CDK19: variants seen among roughly 807,000 people sequenced by gnomAD.
CDK19 encodes cyclin dependent kinase 19, also known as cyclin-dependent kinase 19.
A neutral mutation model predicts 68.3 loss-of-function variants in CDK19; 20 were observed. The observed-to-expected ratio is 0.29, with a 90% CI of 0.21 to 0.43. The LOEUF is 0.43. CDK19 is among the 20% of genes least tolerant of loss of function. The pLI is 1.00. For missense variants in CDK19, 339 were observed against 623.5 expected, an observed-to-expected ratio of 0.54 and a Z score of 4.86; for synonymous variants, 221 against 222.8, an observed-to-expected ratio of 0.99 and a Z score of 0.07.
intron 8 of CDK19, among the ~76,000 whole-genome samples, chr6:110,623,737 A>AAT (rs67254112): frequency 1.4e-4 from 21 of 146,792 alleles, no homozygotes; most frequent in Non-Finnish European, 2.5e-4. Flanking sequence ...AGTAATGGCC[A>AAT]ATATATATAT....
rs1170140844 is a variant in CDK19, at chr6:110,784,158, CAAAAAA to C, written c.128+30845_128+30850del. Reference sequence around the variant, plus strand: ...TGAGTGACAGAGCAAGACTTCGTCTCAAAAAAAAAAAAAAAAAAAGGAAAGGAGAAA... The same window carrying C: ...TGAGTGACAGAGCAAGACTTCGTCTCAAAAAAAAAAAAAGGAAAGGAGAAA... On this transcript the variant is annotated intron_variant, in intron 1 of 12. Coordinates refer to ENST00000368911, the MANE Select transcript of CDK19 (RefSeq NM_015076.5). Among the ~76,000 whole-genome samples the C allele has an allele frequency of 6.5e-5, 4 of 61,480 alleles. No homozygotes were observed. The East Asian group carries it at 1.1e-3, about 17-fold the overall frequency. The allele number at this position is 61,480 out of a possible 152,430, so 40.3% of individuals were successfully genotyped here. A position where few individuals can be genotyped will look rare whatever the true frequency, so the allele number is the denominator to read the frequency against.
chr6:110,638,976 T>C (rs1045851243), intron 4 of CDK19, among the ~76,000 whole-genome samples: 1 of 152,220 alleles, frequency 6.6e-6, no homozygotes, highest in African/African-American at 2.4e-5. Flanking sequence ...CATTTCTAAA[T>C]AGATTCATCC....
intron 1 of CDK19, among the ~76,000 whole-genome samples, chr6:110,792,156 A>T (rs1781641689): frequency 6.6e-6 from 1 of 151,848 alleles, no homozygotes; most frequent in Admixed American, 6.6e-5. Context: ...TGTTTAGTAG[A>T]GACAGGGTTT....
At chr6:110,750,540 C>T (rs1357384978) in intron 1 of CDK19, among the ~76,000 whole-genome samples, 1 of 152,102 alleles carries the variant, frequency 6.6e-6, no homozygotes, top group Non-Finnish European at 1.5e-5. Context: ...AAGGATGATG[C>T]CACTAAGAAC....
At chr6:110,773,715 A>C (rs1434654268) in intron 1 of CDK19, among the ~76,000 whole-genome samples, 3 of 152,144 alleles carry the variant, frequency 2.0e-5, no homozygotes. Context: ...ACTGAATACA[A>C]TTGTACGGGT....
In CDK19 at chr6:110,815,006, T is replaced by C. The variant is rs776507952; in HGVS notation, c.128+3A>G. 2.5e-6 allele frequency: 4 copies of C among 1,604,004 alleles called. No individual in the cohort carries two copies. The African/African-American group carries it at 5.5e-5, about 22-fold the overall frequency. ...AGCCTACTCCTCCCGCCCCTGCTCT[T>C]ACCCATCTTTCCGCCTCGCCTTGTA... On this transcript the variant is annotated splice_donor_region_variant and intron_variant, in intron 1 of 12. Coordinates refer to ENST00000368911, the MANE Select transcript of CDK19 (RefSeq NM_015076.5).
Position 110,642,942 on chromosome 6 carries a change from G to A in CDK19, c.457-4236C>T, listed in dbSNP as rs74295720. 0.021 allele frequency among the ~76,000 whole-genome samples: 3,258 copies of A among 152,256 alleles called. 364 individuals carry two copies. In the East Asian group the frequency reaches 0.35, roughly 17 times the overall value. On this transcript the variant is annotated intron_variant, in intron 4 of 12. Coordinates refer to ENST00000368911, the MANE Select transcript of CDK19 (RefSeq NM_015076.5). Reference sequence around the variant, plus strand: ...CCTTGAAGCATCCCAGATTGCACAAGAGATAACAAACTTTACCCTCACTCC... The same window carrying A: ...CCTTGAAGCATCCCAGATTGCACAAAAGATAACAAACTTTACCCTCACTCC...
chr6:110,795,794 T>C (rs78253480), intron 1 of CDK19, among the ~76,000 whole-genome samples: 1,900 of 152,178 alleles, frequency 0.012, 37 homozygotes, highest in African/African-American at 0.044. Context: ...CAGTAAAGCA[T>C]TGCATATTCA....
chr6:110,781,795 G>A (rs1361448741), intron 1 of CDK19, among the ~76,000 whole-genome samples: 9 of 148,236 alleles, frequency 6.1e-5, no homozygotes, highest in African/African-American at 2.2e-4. Context: ...GGTGAGCCAA[G>A]ATCATGTCAC....
intron 4 of CDK19, among the ~76,000 whole-genome samples, chr6:110,650,652 C>G (rs1780902861): frequency 6.6e-6 from 1 of 151,974 alleles, no homozygotes; most frequent in Admixed American, 6.6e-5. Context: ...CCTGAGTCAG[C>G]TGGGTGTCTA....
chr6:110,614,403 T>A lies in CDK19; in HGVS notation c.*132A>T. The A allele has an allele frequency of 1.4e-6, 1 of 739,714 alleles. No individual in the cohort carries two copies. The highest frequency in any genetic ancestry group is 2.2e-6 in the Non-Finnish European group (1 of 457,874). 45.8% of individuals were successfully genotyped at this position (739,714 alleles called of 1,614,324 possible). ...TATCAGTCCTGCACAATGCTCAGTA[T>A]ATAAGGTTTTCCTCCCATGTGTATG... On this transcript the variant is annotated 3_prime_UTR_variant, in exon 13 of 13. Transcript: ENST00000368911.
chr6:110,802,243 A>G (rs571556531), intron 1 of CDK19, among the ~76,000 whole-genome samples: 3 of 152,338 alleles, frequency 2.0e-5, no homozygotes, highest in Non-Finnish European at 2.9e-5. Flanking sequence ...TATATTTATC[A>G]TAACACTATT....
At chr6:110,691,115 A>G (rs1489981356) in intron 2 of CDK19, among the ~76,000 whole-genome samples, 2 of 152,144 alleles carry the variant, frequency 1.3e-5, no homozygotes, top group African/African-American at 4.8e-5. Context: ...GAAAACCAAC[A>G]TGAAGAAATT....
chr6:110,807,778 GCA>G (rs1165999663), intron 1 of CDK19, among the ~76,000 whole-genome samples: 15 of 151,402 alleles, frequency 9.9e-5, no homozygotes, highest in Admixed American at 8.6e-4. Context: ...ATATTTTTAC[GCA>G]CATATACTAT....
chr6:110,651,615 A>G (rs1480739799), intron 4 of CDK19, among the ~76,000 whole-genome samples: 5 of 152,144 alleles, frequency 3.3e-5, no homozygotes, highest in Admixed American at 6.5e-5. Context: ...TAGTATTTTA[A>G]TATTTTTACA....
At chr6:110,650,793 T>C (rs1377638425) in intron 4 of CDK19, among the ~76,000 whole-genome samples, 2 of 152,052 alleles carry the variant, frequency 1.3e-5, no homozygotes, top group Non-Finnish European at 2.9e-5. Context: ...ATAGTAATTA[T>C]AAAGAGAGGA....
chr6:110,623,240 G>T, intron 9 of CDK19, 50 bp downstream of exon 9: 3 of 1,447,652 alleles, frequency 2.1e-6, no homozygotes, highest in Non-Finnish European at 2.9e-6. Context: ...TAAATAGAAG[G>T]CGAGATTTGT....
chr6:110,757,991 A>G (rs1778946921), intron 1 of CDK19, among the ~76,000 whole-genome samples: 1 of 152,108 alleles, frequency 6.6e-6, no homozygotes, highest in Non-Finnish European at 1.5e-5. Flanking sequence ...AGGAGTTTTG[A>G]GACCAGCCTG....
intron 1 of CDK19, among the ~76,000 whole-genome samples, chr6:110,806,435 C>T (rs1457037013): frequency 6.6e-6 from 1 of 152,114 alleles, no homozygotes; most frequent in Non-Finnish European, 1.5e-5. Context: ...CTATCTTATA[C>T]ATCACCATAT....
Sources: allele counts gnomAD v4.1 joint callset (sites outside exome capture counted in the v4.1 genomes callset), GRCh38; gene constraint gnomAD v4.1.1; transcripts MANE v1.5; gene names NCBI Gene and HGNC (gene_info 2026-07-23, HGNC 2026-07-21).